CNTNAP2: variants seen among roughly 807,000 people sequenced by gnomAD.
CNTNAP2 encodes contactin-associated protein-like 2.
In CNTNAP2, 98 loss-of-function variants were observed where a neutral mutation model predicts 155.2. The observed-to-expected ratio is 0.63, with a 90% CI of 0.54 to 0.75. The LOEUF (loss-of-function observed/expected upper bound fraction) is 0.75. CNTNAP2 is among the 30% of genes least tolerant of loss of function. The pLI, the probability that CNTNAP2 is intolerant of heterozygous loss-of-function variation, is 0.00. For synonymous variants in CNTNAP2, 651 were observed against 631.2 expected (o/e 1.03, Z -0.47); for missense variants, 1,727 against 1,688.1 (o/e 1.02, Z -0.40).
At chr7:148,213,428 C>A (rs1275527148) in intron 18 of CNTNAP2, among the ~76,000 whole-genome samples, 4 of 152,138 alleles carry the variant, frequency 2.6e-5, no homozygotes, top group African/African-American at 9.7e-5. Context: ...GTGCTGGGGT[C>A]TCTGCTGCCC....
chr7:146,631,149 A>T (rs896352998), intron 1 of CNTNAP2, among the ~76,000 whole-genome samples: 1 of 152,174 alleles, frequency 6.6e-6, no homozygotes, highest in African/African-American at 2.4e-5. Flanking sequence ...ATGCTACCTG[A>T]CTTCAAACTA....
At chr7:146,289,941 C>T (rs1208808120) in intron 1 of CNTNAP2, among the ~76,000 whole-genome samples, 1 of 151,944 alleles carries the variant, frequency 6.6e-6, no homozygotes, top group East Asian at 1.9e-4. Context: ...TTCTCTTATG[C>T]TTGGTTATTA....
chr7:146,579,343 A>G (rs556427564), intron 1 of CNTNAP2, among the ~76,000 whole-genome samples: 2 of 152,234 alleles, frequency 1.3e-5, no homozygotes, highest in East Asian at 1.9e-4. Flanking sequence ...AAATAAGCAA[A>G]CAGCCATTAG....
At chr7:146,539,141 C>A (rs1797913470) in intron 1 of CNTNAP2, among the ~76,000 whole-genome samples, 1 of 152,030 alleles carries the variant, frequency 6.6e-6, no homozygotes, top group Non-Finnish European at 1.5e-5. Flanking sequence ...ATAGAAAAAG[C>A]AAACCAGTAT....
chr7:147,957,478 A>C, intron 14 of CNTNAP2, among the ~76,000 whole-genome samples: 1 of 152,258 alleles, frequency 6.6e-6, no homozygotes, highest in East Asian at 1.9e-4. Context: ...AACTAGAATA[A>C]AAGTTTGAAA....
At chr7:148,321,850 G>A (rs1206015461) in intron 21 of CNTNAP2, among the ~76,000 whole-genome samples, 4 of 151,688 alleles carry the variant, frequency 2.6e-5, no homozygotes, top group African/African-American at 9.7e-5. Flanking sequence ...AATCACATAT[G>A]AACTGCAAAA....
intron 1 of CNTNAP2, among the ~76,000 whole-genome samples, chr7:146,622,153 A>ATATATATATACACACATG (rs1563160348): frequency 2.7e-5 from 4 of 149,024 alleles, no homozygotes; most frequent in African/African-American, 7.5e-5. Context: ...ACACACACGT[A>ATATATATATACACACATG]TATATATATA....
chr7:146,676,362 A>G (rs1041217206), intron 1 of CNTNAP2, among the ~76,000 whole-genome samples: 3 of 152,164 alleles, frequency 2.0e-5, no homozygotes, highest in Non-Finnish European at 2.9e-5. Flanking sequence ...TATCTGGGCA[A>G]AGCTTGAAGA....
At chr7:148,125,023 A>G (rs1804684979) in intron 16 of CNTNAP2, among the ~76,000 whole-genome samples, 1 of 152,176 alleles carries the variant, frequency 6.6e-6, no homozygotes, top group African/African-American at 2.4e-5. Flanking sequence ...TTGTATTGTT[A>G]GAGTGTGAAG....
chr7:147,549,156 A>T (rs573562177), intron 11 of CNTNAP2, among the ~76,000 whole-genome samples: 1 of 152,288 alleles, frequency 6.6e-6, no homozygotes, highest in East Asian at 1.9e-4. Flanking sequence ...TGGTAGTTTG[A>T]TGGGAATAGT....
intron 11 of CNTNAP2, among the ~76,000 whole-genome samples, chr7:147,552,603 C>G (rs1799872750): frequency 6.8e-6 from 1 of 146,194 alleles, no homozygotes; most frequent in African/African-American, 2.5e-5. Context: ...CACACACACA[C>G]ACACAGAGAT....
At chr7:147,760,242 C>T (rs200215772) in intron 13 of CNTNAP2, among the ~76,000 whole-genome samples, 4 of 149,438 alleles carry the variant, frequency 2.7e-5, no homozygotes, top group East Asian at 2.0e-4. Flanking sequence ...TTGAGCTTCA[C>T]GGGAAAAAAA....
chr7:146,631,026 A>G (rs1563164161), intron 1 of CNTNAP2, among the ~76,000 whole-genome samples: 2 of 152,096 alleles, frequency 1.3e-5, no homozygotes, highest in African/African-American at 4.8e-5. Context: ...TCAAGCTACC[A>G]TTGACTTTTT....
chr7:147,283,858 C>T (rs186746879), intron 8 of CNTNAP2, among the ~76,000 whole-genome samples: 19 of 151,952 alleles, frequency 1.3e-4, no homozygotes, highest in Admixed American at 1.1e-3. Context: ...GATCTTAGTT[C>T]TTTCTATGGT....
chr7:146,246,802 A>G (rs558147987), intron 1 of CNTNAP2, among the ~76,000 whole-genome samples: 2,229 of 152,162 alleles, frequency 0.015, 48 homozygotes, highest in African/African-American at 0.048. Context: ...CCTGGGCTGC[A>G]GGCATTCCTT....
intron 8 of CNTNAP2, among the ~76,000 whole-genome samples, chr7:147,242,772 A>G (rs928903758): frequency 6.6e-6 from 1 of 152,064 alleles, no homozygotes; most frequent in African/African-American, 2.4e-5. Context: ...TTCTCTACCC[A>G]TCCCAAAAGT....
intron 1 of CNTNAP2, among the ~76,000 whole-genome samples, chr7:146,342,055 ACT>A (rs1794737734): frequency 1.3e-5 from 2 of 152,112 alleles, no homozygotes; most frequent in Non-Finnish European, 2.9e-5. Flanking sequence ...ACTCTAAATA[ACT>A]CTAAAAATAA....
intron 13 of CNTNAP2, among the ~76,000 whole-genome samples, chr7:147,656,859 A>G (rs943688100): frequency 2.0e-5 from 3 of 152,198 alleles, no homozygotes; most frequent in Admixed American, 6.5e-5. Context: ...ATGATCTGTG[A>G]AGCACAATGA....
intron 3 of CNTNAP2, among the ~76,000 whole-genome samples, chr7:147,017,485 A>G (rs1401023957): frequency 2.6e-5 from 4 of 152,100 alleles, no homozygotes; most frequent in Non-Finnish European, 5.9e-5. Flanking sequence ...TGAAAACTCT[A>G]CAAAATGGTT....
Sources: gnomAD v4.1 joint callset for allele counts (sites outside exome capture counted in the v4.1 genomes callset) on GRCh38, gnomAD v4.1.1 for gene constraint, MANE v1.5 for transcripts, NCBI Gene and HGNC (gene_info 2026-07-23, HGNC 2026-07-21) for gene names.